The following HPSE2 variants were observed in gnomAD, a reference collection of about 807,000 sequenced individuals.
The protein encoded by HPSE2 is inactive heparanase-2.
In HPSE2, 38 loss-of-function variants were observed where a neutral mutation model predicts 60.5. That is an observed-to-expected ratio of 0.63 (90% CI 0.48 to 0.82). The LOEUF is 0.82. Among genes scored for constraint, HPSE2 ranks in the 40% least tolerant of loss-of-function variants. HPSE2 has a pLI of 0.00. For synonymous variants in HPSE2, 295 were observed against 293.2 expected, an observed-to-expected ratio of 1.01 and a Z score of -0.06; for missense variants, 713 against 740.4, an observed-to-expected ratio of 0.96 and a Z score of 0.43.
chr10:98,629,526 T>TA (rs1337589682), intron 7 of HPSE2, among the ~76,000 whole-genome samples: 5 of 152,338 alleles, frequency 3.3e-5, no homozygotes, highest in Admixed American at 3.3e-4. Context: ...ACTCTCCACT[T>TA]ACTTGCTACA....
intron 3 of HPSE2, among the ~76,000 whole-genome samples, chr10:98,802,849 C>T (rs1242098008): frequency 6.9e-6 from 1 of 144,544 alleles, no homozygotes; most frequent in African/African-American, 2.6e-5. Flanking sequence ...AATGGGATGG[C>T]TGGGTCAAAT....
At chr10:99,059,453 C>G (rs1031469300) in intron 3 of HPSE2, among the ~76,000 whole-genome samples, 2 of 152,100 alleles carry the variant, frequency 1.3e-5, no homozygotes, top group Non-Finnish European at 2.9e-5. Context: ...TATACATTTT[C>G]TTTCATTCTC....
the HPSE2 span, among the ~76,000 whole-genome samples, chr10:99,248,680 G>C: frequency 6.6e-6 from 1 of 152,228 alleles, no homozygotes; most frequent in African/African-American, 2.4e-5. Flanking sequence ...AAGACAATGG[G>C]GAAAATGCCT....
At position 98,643,427 on chromosome 10, in the gene HPSE2, T is replaced by C. The variant is rs539696443; in HGVS notation, c.1005-1487A>G. On this transcript the variant is annotated intron_variant, in intron 6 of 11. Transcript: ENST00000370552. ...TGATTAATTAAGTTATGTGTAAATA[T>C]AGAACACTATAACAGTGGAATTTCT... is the stretch of plus-strand genomic sequence containing the variant. 9.8e-5 allele frequency among the ~76,000 whole-genome samples: 15 copies of C among 152,346 alleles called. No homozygotes were observed. The East Asian group carries it at 1.9e-3, about 20-fold the overall frequency.
At chr10:98,967,415 T>C (rs568519204) in intron 3 of HPSE2, among the ~76,000 whole-genome samples, 2 of 152,356 alleles carry the variant, frequency 1.3e-5, no homozygotes, top group East Asian at 3.9e-4. Flanking sequence ...ATGTGAACTG[T>C]CTCCAAGCCA....
intron 2 of HPSE2, among the ~76,000 whole-genome samples, chr10:99,149,321 A>G (rs574728251): frequency 3.2e-4 from 48 of 152,320 alleles, no homozygotes; most frequent in Admixed American, 9.8e-4. Flanking sequence ...ATAATGAAGT[A>G]ATTTCAATAC....
intron 3 of HPSE2, among the ~76,000 whole-genome samples, chr10:98,748,121 A>T (rs1389413364): frequency 2.0e-5 from 3 of 152,152 alleles, no homozygotes; most frequent in Admixed American, 1.3e-4. Context: ...CAACATAGTG[A>T]AACTGGTCTC....
intron 11 of HPSE2, among the ~76,000 whole-genome samples, chr10:98,472,832 T>C (rs1940835498): frequency 6.6e-6 from 1 of 152,178 alleles, no homozygotes; most frequent in African/African-American, 2.4e-5. Context: ...CTCTAATAGT[T>C]AGAAAAATAG....
intron 5 of HPSE2, among the ~76,000 whole-genome samples, chr10:98,705,786 T>G (rs1184430906): frequency 6.6e-6 from 1 of 152,006 alleles, no homozygotes; most frequent in African/African-American, 2.4e-5. Context: ...GGGAGAGCAT[T>G]AGCATAAATA....
chr10:99,243,751 C>A, the HPSE2 span, among the ~76,000 whole-genome samples: 1 of 152,056 alleles, frequency 6.6e-6, no homozygotes, highest in Non-Finnish European at 1.5e-5. Flanking sequence ...GCCTGGCCAA[C>A]AAGGCAAAAC....
intron 3 of HPSE2, among the ~76,000 whole-genome samples, chr10:99,076,490 C>T (rs1564787698): frequency 6.6e-6 from 1 of 152,166 alleles, no homozygotes; most frequent in Non-Finnish European, 1.5e-5. Context: ...TGTGCTCAAG[C>T]AATTCTGGTT....
chr10:99,068,757 GATC>G (rs1466962245), intron 3 of HPSE2, among the ~76,000 whole-genome samples: 1 of 151,894 alleles, frequency 6.6e-6, no homozygotes, highest in Non-Finnish European at 1.5e-5. Flanking sequence ...AGAGAGGAAA[GATC>G]ATCAAAATCA....
intron 3 of HPSE2, among the ~76,000 whole-genome samples, chr10:98,806,821 A>G (rs768283151): frequency 2.0e-5 from 3 of 152,146 alleles, no homozygotes; most frequent in Non-Finnish European, 4.4e-5. Context: ...ATTACGAAAA[A>G]TCTCAAACGT....
rs1589667252 is a variant in HPSE2, at chr10:98,700,930, C to T, written c.957-6983G>A. 3.1e-5 allele frequency among the ~76,000 whole-genome samples: 2 copies of T among 64,608 alleles called. 1 individual carries two copies. Among genetic ancestry groups the T allele is most frequent in the Non-Finnish European group, 8.5e-5 (2 of 23,562 alleles). 42.4% of individuals were successfully genotyped at this position (64,608 alleles called of 152,430 possible). On this transcript the variant is annotated intron_variant, in intron 5 of 11. Coordinates refer to ENST00000370552, the MANE Select transcript of HPSE2 (RefSeq NM_021828.5). ...GCCATCAGAGAAATGCAAATCAAAACCACAATGAGATACCATCTCACACCA... is the reference window on the plus strand; with the variant it reads ...GCCATCAGAGAAATGCAAATCAAAATCACAATGAGATACCATCTCACACCA...
At chr10:99,003,587 G>A (rs1371372396) in intron 3 of HPSE2, among the ~76,000 whole-genome samples, 1 of 152,014 alleles carries the variant, frequency 6.6e-6, no homozygotes, top group Non-Finnish European at 1.5e-5. Flanking sequence ...TTCTCTGATG[G>A]TTAAGCACAT....
intron 3 of HPSE2, among the ~76,000 whole-genome samples, chr10:99,104,398 A>C (rs1564810305): frequency 6.6e-6 from 1 of 152,224 alleles, no homozygotes; most frequent in Non-Finnish European, 1.5e-5. Context: ...TGATCATTAA[A>C]AAGTCAGGAA....
intron 2 of HPSE2, among the ~76,000 whole-genome samples, chr10:99,145,238 C>T (rs1450854597): frequency 3.9e-5 from 6 of 152,100 alleles, no homozygotes; most frequent in Admixed American, 2.6e-4. Context: ...GGGCAGATCA[C>T]GATGTCAGGA....
chr10:99,047,829 T>G (rs1589572389), intron 3 of HPSE2: 3 of 798,574 alleles, frequency 3.8e-6, no homozygotes, highest in Admixed American at 1.7e-5. Flanking sequence ...TATAGGCAGA[T>G]GTACAGAACT....
At chr10:98,778,988 A>G (rs1950407607) in intron 3 of HPSE2, among the ~76,000 whole-genome samples, 1 of 152,218 alleles carries the variant, frequency 6.6e-6, no homozygotes, top group African/African-American at 2.4e-5. Context: ...AGAAATCCAA[A>G]ACATGCCATC....
Sources: gnomAD v4.1 joint callset for allele counts (sites outside exome capture counted in the v4.1 genomes callset) on GRCh38, gnomAD v4.1.1 for gene constraint, MANE v1.5 for transcripts, NCBI Gene and HGNC (gene_info 2026-07-23, HGNC 2026-07-21) for gene names.